Variants in MPPED2 observed in about 807,000 individuals in gnomAD.
MPPED2 encodes metallophosphoesterase domain containing 2.
In MPPED2, 5 loss-of-function variants were observed where a neutral mutation model predicts 33.0. The observed-to-expected ratio is 0.15, with a 90% CI of 0.08 to 0.32. The LOEUF (loss-of-function observed/expected upper bound fraction) is 0.32. MPPED2 is among the 10% of genes least tolerant of loss of function. MPPED2 has a pLI of 1.00. For missense variants in MPPED2, 275 were observed against 372.1 expected, an observed-to-expected ratio of 0.74 and a Z score of 2.15; for synonymous variants, 136 against 141.9, an observed-to-expected ratio of 0.96 and a Z score of 0.29.
intron 1 of MPPED2, among the ~76,000 whole-genome samples, chr11:30,585,286 T>A (rs1344863966): frequency 6.6e-6 from 1 of 152,030 alleles, no homozygotes; most frequent in Non-Finnish European, 1.5e-5. Context: ...GCCGGGTCGC[T>A]CCGCAGGCTG....
chr11:30,391,779 A>G (rs1342601067), intron 6 of MPPED2, among the ~76,000 whole-genome samples: 1 of 152,226 alleles, frequency 6.6e-6, no homozygotes, highest in African/African-American at 2.4e-5. Flanking sequence ...TCAAATATCA[A>G]TTTAAAAATG....
At chr11:30,460,357 T>C (rs1402985373) in intron 4 of MPPED2, among the ~76,000 whole-genome samples, 1 of 152,186 alleles carries the variant, frequency 6.6e-6, no homozygotes, top group African/African-American at 2.4e-5. Context: ...TGGTAGCTCA[T>C]GCCTGTAATC....
At chr11:30,421,171 G>A (rs1948594548) in intron 4 of MPPED2, among the ~76,000 whole-genome samples, 1 of 152,220 alleles carries the variant, frequency 6.6e-6, no homozygotes, top group East Asian at 1.9e-4. Flanking sequence ...GGACACCCAG[G>A]GGCTTCCAGA....
At chr11:30,521,642 A>C (rs1173919706) in intron 3 of MPPED2, among the ~76,000 whole-genome samples, 1 of 152,244 alleles carries the variant, frequency 6.6e-6, no homozygotes, top group African/African-American at 2.4e-5. Flanking sequence ...GTATCTTTTG[A>C]AGTCAAAATA....
chr11:30,501,614 A>G (rs1441166586), intron 3 of MPPED2: 1 of 980,052 alleles, frequency 1.0e-6, no homozygotes, highest in Admixed American at 6.1e-5. Context: ...TATAACCTGT[A>G]ATAGATAGCA....
intron 4 of MPPED2, among the ~76,000 whole-genome samples, chr11:30,475,597 A>G (rs1340699428): frequency 1.3e-5 from 2 of 152,144 alleles, no homozygotes; most frequent in Non-Finnish European, 2.9e-5. Context: ...ATGATCTTCA[A>G]ATTCATTCAT....
rs1259805688 is a variant in MPPED2 at position 30,585,196 on chromosome 11, T to C, written c.-122+846A>G. On this transcript the variant is annotated intron_variant, in intron 1 of 6. Coordinates refer to ENST00000358117, the MANE Select transcript of MPPED2 (RefSeq NM_001584.3). ...AATAGCAAAGAAACTCCTGCCTCTGTAGAGAAGAAATCCGGCGGCAACGGT... is the reference window on the plus strand; with the variant it reads ...AATAGCAAAGAAACTCCTGCCTCTGCAGAGAAGAAATCCGGCGGCAACGGT... Among the ~76,000 whole-genome samples the C allele has an allele frequency of 2.0e-5, 3 of 152,216 alleles. No homozygotes were observed. The East Asian group carries it at 5.8e-4, about 30-fold the overall frequency.
At chr11:30,472,089 C>T (rs889001240) in intron 4 of MPPED2, among the ~76,000 whole-genome samples, 1 of 152,208 alleles carries the variant, frequency 6.6e-6, no homozygotes, top group Non-Finnish European at 1.5e-5. Flanking sequence ...TAAGGCTAGG[C>T]GCAGTGGCTC....
intron 3 of MPPED2, among the ~76,000 whole-genome samples, chr11:30,522,383 AAC>A (rs1362466768): frequency 2.3e-5 from 2 of 87,500 alleles, no homozygotes; most frequent in African/African-American, 9.0e-5. Context: ...GCTTCAGGAA[AAC>A]ATACACACAC....
intron 2 of MPPED2, among the ~76,000 whole-genome samples, chr11:30,568,251 T>C (rs1290050517): frequency 6.6e-6 from 1 of 152,192 alleles, no homozygotes; most frequent in East Asian, 1.9e-4. Flanking sequence ...TATACTTTTT[T>C]TTTCTTTTTG....
rs770694931 is a variant in MPPED2, at chr11:30,482,195, C to T, written c.536+13101G>A. On this transcript the variant is annotated intron_variant, in intron 4 of 6. Transcript: ENST00000358117. The stretch of plus-strand genomic sequence containing the variant: ...AAAAAGAACATTCATAAGAGAAAAT[C>T]GCTGTTATAACTTGTGGTGTATTAT... 2.2e-4 allele frequency among the ~76,000 whole-genome samples: 34 copies of T among 152,096 alleles called. 1 individual carries two copies. The highest frequency in any genetic ancestry group is 2.7e-4 in the African/African-American group (11 of 41,418).
intron 2 of MPPED2, among the ~76,000 whole-genome samples, chr11:30,538,392 CTTG>C (rs1954926078): frequency 6.6e-6 from 1 of 152,120 alleles, no homozygotes; most frequent in South Asian, 2.1e-4. Flanking sequence ...ATGTAAACCT[CTTG>C]TTGTAAATAG....
At chr11:30,391,533 T>C (rs1947776195) in intron 6 of MPPED2, among the ~76,000 whole-genome samples, 1 of 152,190 alleles carries the variant, frequency 6.6e-6, no homozygotes, top group Non-Finnish European at 1.5e-5. Flanking sequence ...CTGTGATATA[T>C]GAACAAGAAT....
intron 3 of MPPED2, among the ~76,000 whole-genome samples, chr11:30,515,684 G>A (rs1565144711): frequency 6.6e-6 from 1 of 152,110 alleles, no homozygotes; most frequent in Non-Finnish European, 1.5e-5. Flanking sequence ...AAGTTAATTT[G>A]CTTCCTAAAT....
intron 1 of MPPED2, among the ~76,000 whole-genome samples, chr11:30,580,732 T>C (rs1308490666): frequency 6.6e-6 from 1 of 152,192 alleles, no homozygotes; most frequent in Non-Finnish European, 1.5e-5. Context: ...AAACTAAGAT[T>C]TCCTCTTTAA....
chr11:30,505,293 G>A (rs778642649), intron 3 of MPPED2, among the ~76,000 whole-genome samples: 3 of 152,028 alleles, frequency 2.0e-5, no homozygotes, highest in Non-Finnish European at 2.9e-5. Context: ...ACACACACAC[G>A]TACACACTCG....
At chr11:30,386,895 T>A (rs1203313377) in exon 7 of MPPED2, 3 of 397,258 alleles carry the variant, frequency 7.6e-6, no homozygotes, top group Non-Finnish European at 1.3e-5. Flanking sequence ...TTATTAAGCA[T>A]CTGCCAAATG....
At chr11:30,544,697 C>T (rs1186431057) in intron 2 of MPPED2, among the ~76,000 whole-genome samples, 2 of 152,126 alleles carry the variant, frequency 1.3e-5, no homozygotes, top group Non-Finnish European at 2.9e-5. Context: ...TGAAATAATG[C>T]ACAAAGTGTT....
intron 4 of MPPED2, among the ~76,000 whole-genome samples, chr11:30,490,926 C>A (rs16920802): frequency 0.31 from 46,669 of 151,996 alleles, 7,597 homozygotes; most frequent in Middle Eastern, 0.44. Context: ...TTTTGAGAAA[C>A]CTGTGAATCC....
Sources: allele counts gnomAD v4.1 joint callset (sites outside exome capture counted in the v4.1 genomes callset), GRCh38; gene constraint gnomAD v4.1.1; transcripts MANE v1.5; gene names NCBI Gene and HGNC (gene_info 2026-07-23, HGNC 2026-07-21).